Variants in TINAGL1 observed in about 807,000 individuals in gnomAD.
The protein encoded by TINAGL1 is tubulointerstitial nephritis antigen-like.
Under a neutral mutation model 62.0 loss-of-function variants are expected in TINAGL1, and 34 were observed. That is an observed-to-expected ratio of 0.55 (90% confidence interval 0.42 to 0.73). TINAGL1 has a LOEUF of 0.73. Among genes scored for constraint, TINAGL1 ranks in the 30% least tolerant of loss-of-function variants. The pLI, the probability that TINAGL1 is intolerant of heterozygous loss-of-function variation, is 0.00. For synonymous variants in TINAGL1, 221 were observed against 249.7 expected (o/e 0.88, Z 1.08); for missense variants, 516 against 653.2 (o/e 0.79, Z 2.29).
Position 31,577,368 on chromosome 1 carries a change from G to A in TINAGL1, c.220G>A (p.Asp74Asn), listed in dbSNP as rs1280274087. ...LPYLGAICYC[D>N]LFCNRTVSDC... ...CTACCTGGGCGCCATCTGTTACTGT[G>A]ACCTCTTCTGCAACCGCACGGTCTC... The change falls in exon 2 of 12, where the codon GAC becomes AAC. Residue 74 changes from aspartate (D) to asparagine (N), a missense_variant. By Grantham distance (23) the Asp-to-Asn change is conservative. Coordinates refer to ENST00000271064, the MANE Select transcript of TINAGL1 (RefSeq NM_022164.3). The surrounding 1 kb of genome is among the most constrained non-coding windows in gnomAD (Gnocchi z 5.4). 6.2e-7 allele frequency: 1 copy of A among 1,614,042 alleles called. No individual in the cohort carries two copies. Among genetic ancestry groups the A allele is most frequent in the South Asian group, 1.1e-5 (1 of 91,084 alleles).
At position 31,583,541 on chromosome 1, in the gene TINAGL1, C is replaced by T. The variant is rs202039678; in HGVS notation, c.548C>T (p.Pro183Leu). The change falls in exon 5 of 12, where the codon CCA becomes CTA. Residue 183 changes from proline (P) to leucine (L), a missense_variant. Physicochemically the swap from Pro to Leu is moderately conservative, Grantham distance 98 (BLOSUM62 -3). Transcript: ENST00000271064. The surrounding 1 kb of genome is among the most constrained non-coding windows in gnomAD (Gnocchi z 4.4). The part of the protein sequence containing the change: ...GIRYRLGTIR[P>L]SSSVMNMHEI... ...CGCTACCGCCTGGGCACCATCCGCCCATCTTCCTCGGTCATGAACATGCAT... is the reference window on the plus strand; with the variant it reads ...CGCTACCGCCTGGGCACCATCCGCCTATCTTCCTCGGTCATGAACATGCAT... The T allele has an allele frequency of 6.2e-7, 1 of 1,613,998 alleles. No individual in the cohort carries two copies. The highest frequency in any genetic ancestry group is 1.3e-5 in the African/African-American group (1 of 75,072).
At chr1:31,582,618 C>T (rs970655080) in intron 3 of TINAGL1, among the ~76,000 whole-genome samples, 84 of 152,162 alleles carry the variant, frequency 5.5e-4, no homozygotes, top group African/African-American at 2.0e-3. Flanking sequence ...ATGCATGGAG[C>T]ACCCACAGTG....
chr1:31,582,380 G>C (rs72885418), intron 3 of TINAGL1, among the ~76,000 whole-genome samples: 3,901 of 152,084 alleles, frequency 0.026, 168 homozygotes, highest in African/African-American at 0.087. Context: ...GAACCATCAG[G>C]GGCCAGCCTA....
At position 31,584,638 on chromosome 1, in the gene TINAGL1, G is replaced by A. The variant is rs1395345829; in HGVS notation, c.583-40G>A. The A allele has an allele frequency of 1.9e-5, 31 of 1,612,086 alleles. No homozygotes were observed. The highest frequency in any genetic ancestry group is 2.6e-5 in the Non-Finnish European group (31 of 1,179,932). ...AATGGGCACCTGAGGGGCAGGCCAG[G>A]GCAGAGCAGGAGGCAGACAGGGCAA... On this transcript the variant is annotated intron_variant, in intron 5 of 11. Coordinates refer to ENST00000271064, the MANE Select transcript of TINAGL1 (RefSeq NM_022164.3). This position sits in a 1 kb window ranked among gnomAD's most constrained non-coding sequence, Gnocchi z 4.0.
At chr1:31,580,727 A>C in intron 3 of TINAGL1, 1 of 1,262,744 alleles carries the variant, frequency 7.9e-7, no homozygotes, top group African/African-American at 1.5e-5. Flanking sequence ...TCTTGTAATA[A>C]CAGAGTTATG....
rs1384816983 is a variant in TINAGL1 at position 31,583,067 on chromosome 1, C to G, written c.375-82C>G. On this transcript the variant is annotated intron_variant, in intron 3 of 11. Coordinates refer to ENST00000271064, the MANE Select transcript of TINAGL1 (RefSeq NM_022164.3). The surrounding 1 kb of genome is among the most constrained non-coding windows in gnomAD (Gnocchi z 4.4). ...CAGTCACTTGCACAGACTCCCTGGCCCATGTTAACCTCCGAGGCCACATTC... is the reference window on the plus strand; with the variant it reads ...CAGTCACTTGCACAGACTCCCTGGCGCATGTTAACCTCCGAGGCCACATTC... 4 of 1,235,040 alleles carry G rather than the reference C, an allele frequency of 3.2e-6. No homozygotes were observed. Among genetic ancestry groups the G allele is most frequent in the Non-Finnish European group, 4.8e-6 (4 of 836,724 alleles). The allele number at this position is 1,235,040 out of a possible 1,614,324, so 76.5% of individuals were successfully genotyped here.
intron 3 of TINAGL1, chr1:31,580,496 A>T (rs1404203508): frequency 7.8e-7 from 1 of 1,289,138 alleles, no homozygotes; most frequent in Non-Finnish European, 1.0e-6. Context: ...GCTGCTGCCT[A>T]GGTGTGCAGA....
In TINAGL1 at chr1:31,578,877, G is replaced by GGTGTGTGTGTGTGTGTGT. The variant is rs57769142; in HGVS notation, c.311-323_311-306dup. The stretch of plus-strand genomic sequence containing the variant: ...TTATAGCTTAATCTCAGTGAGAGCT[G>GGTGTGTGTGTGTGTGTGT]GTGTGTGTGTGTGTGTGTGTGATAT... On this transcript the variant is annotated intron_variant, in intron 2 of 11. Transcript: ENST00000271064. Among the ~76,000 whole-genome samples the GGTGTGTGTGTGTGTGTGT allele has an allele frequency of 3.7e-4, 28 of 76,436 alleles. 5 individuals are homozygous for GGTGTGTGTGTGTGTGTGT. Among genetic ancestry groups the GGTGTGTGTGTGTGTGTGT allele is most frequent in the African/African-American group, 1.7e-3 (28 of 16,562 alleles). The allele number at this position is 76,436 out of a possible 152,430, so 50.1% of individuals were successfully genotyped here.
intron 3 of TINAGL1, among the ~76,000 whole-genome samples, chr1:31,582,048 G>T (rs1356393449): frequency 6.6e-6 from 1 of 152,226 alleles, no homozygotes; most frequent in Admixed American, 6.5e-5. Context: ...AATATAAACA[G>T]GCCGGGCCTG....
chr1:31,585,107 G>A lies in TINAGL1; in HGVS notation c.858-44G>A. The A allele has an allele frequency of 6.4e-7, 1 of 1,565,174 alleles. No individual in the cohort carries two copies. ...CCGTGGGCATGGCCTGGGCCATGAT[G>A]CACTGAGTCTTTCTGCCTTTGCTCC... On this transcript the variant is annotated intron_variant, in intron 7 of 11. Coordinates refer to ENST00000271064, the MANE Select transcript of TINAGL1 (RefSeq NM_022164.3). This position sits in a 1 kb window ranked among gnomAD's most constrained non-coding sequence, Gnocchi z 4.3.
Position 31,583,392 on chromosome 1 carries a change from A to G in TINAGL1, c.468-69A>G. The G allele has an allele frequency of 6.6e-7, 1 of 1,517,706 alleles. No individual in the cohort carries two copies. The highest frequency in any genetic ancestry group is 2.3e-5 in the East Asian group (1 of 42,754). 94.0% of individuals were successfully genotyped at this position (1,517,706 alleles called of 1,614,324 possible). ...CAGCCACTGTGCGTCTCTCCCACCC[A>G]CATGCACCCACGCCAAGGACCCTGA... On this transcript the variant is annotated intron_variant, in intron 4 of 11. Coordinates refer to ENST00000271064, the MANE Select transcript of TINAGL1 (RefSeq NM_022164.3). This position sits in a 1 kb window ranked among gnomAD's most constrained non-coding sequence, Gnocchi z 4.4.
chr1:31,579,204 G>A lies in TINAGL1; in HGVS notation c.311G>A (p.Gly104Glu). The A allele has an allele frequency of 6.2e-7, 1 of 1,613,962 alleles. No individual in the cohort carries two copies. Among genetic ancestry groups the A allele is most frequent in the African/African-American group, 1.3e-5 (1 of 75,038 alleles). ...GVPPPFPPIQ[G>E]CMHGGRIYPV... ...CTTCTCTTCTCTTCCCTTCCAACAGGATGTATGCATGGAGGTCGTATCTAT... is the reference window on the plus strand; with the variant it reads ...CTTCTCTTCTCTTCCCTTCCAACAGAATGTATGCATGGAGGTCGTATCTAT... The change falls in exon 3 of 12, where the codon GGA becomes GAA. Residue 104 changes from glycine (G) to glutamate (E), a missense_variant and splice_region_variant. Transcript: ENST00000271064.
rs79691231 is a variant in TINAGL1, at chr1:31,583,321, C to T, written c.467+80C>T. On this transcript the variant is annotated intron_variant, in intron 4 of 11. Coordinates refer to ENST00000271064, the MANE Select transcript of TINAGL1 (RefSeq NM_022164.3). This position sits in a 1 kb window ranked among gnomAD's most constrained non-coding sequence, Gnocchi z 4.4. The stretch of plus-strand genomic sequence containing the variant: ...TACACGCATGCTGTGCTGTGGGGCA[C>T]GTCCAGCAGGCCACTCCTACACCCA... The T allele has an allele frequency of 6.4e-5, 97 of 1,525,894 alleles. No homozygotes were observed. The East Asian group carries it at 1.2e-3, about 20-fold the overall frequency. The allele number at this position is 1,525,894 out of a possible 1,614,324, so 94.5% of individuals were successfully genotyped here. A position where few individuals can be genotyped will look rare whatever the true frequency, so the allele number is the denominator to read the frequency against.
In TINAGL1 at chr1:31,585,513, T is replaced by C; in HGVS notation, c.1093+28T>C. The C allele has an allele frequency of 2.5e-6, 4 of 1,613,410 alleles. No individual in the cohort carries two copies. The South Asian group carries it at 4.4e-5, about 18-fold the overall frequency. ...AAACCCCCTTATCCAGCACCCTGGTTCCAGAAGCTTGTGCCTGCTTGAGAG... is the reference window on the plus strand; with the variant it reads ...AAACCCCCTTATCCAGCACCCTGGTCCCAGAAGCTTGTGCCTGCTTGAGAG... On this transcript the variant is annotated intron_variant, in intron 9 of 11. Transcript: ENST00000271064. The surrounding 1 kb of genome is among the most constrained non-coding windows in gnomAD (Gnocchi z 4.3).
In TINAGL1 at chr1:31,584,447, C is replaced by T; in HGVS notation, c.583-231C>T. 1.7e-6 allele frequency: 1 copy of T among 576,938 alleles called. No individual in the cohort carries two copies. The allele number at this position is 576,938 out of a possible 1,614,324, so 35.7% of individuals were successfully genotyped here. On this transcript the variant is annotated intron_variant, in intron 5 of 11. Coordinates refer to ENST00000271064, the MANE Select transcript of TINAGL1 (RefSeq NM_022164.3). This position sits in a 1 kb window ranked among gnomAD's most constrained non-coding sequence, Gnocchi z 4.0. ...GCCTCATCTGGGAAGCAGGACTAGTCACCACCGCCACCCCGCCCCGCCCCA... is the reference window on the plus strand; with the variant it reads ...GCCTCATCTGGGAAGCAGGACTAGTTACCACCGCCACCCCGCCCCGCCCCA...
Position 31,576,951 on chromosome 1 carries a change from T to G in TINAGL1, c.-15-183T>G, listed in dbSNP as rs1638979485. On this transcript the variant is annotated intron_variant, in intron 1 of 11. Coordinates refer to ENST00000271064, the MANE Select transcript of TINAGL1 (RefSeq NM_022164.3). This position sits in a 1 kb window ranked among gnomAD's most constrained non-coding sequence, Gnocchi z 5.1. ...AGGGAGGGGCTCCGTTTCTGCCCAGTCCCCATCCCCCTATAGCCAGGGCCC... is the reference window on the plus strand; with the variant it reads ...AGGGAGGGGCTCCGTTTCTGCCCAGGCCCCATCCCCCTATAGCCAGGGCCC... 1 of 561,238 alleles carries G rather than the reference T, an allele frequency of 1.8e-6. No individual in the cohort carries two copies. The highest frequency in any genetic ancestry group is 1.9e-5 in the African/African-American group (1 of 52,990). 34.8% of individuals were successfully genotyped at this position (561,238 alleles called of 1,614,324 possible).
intron 3 of TINAGL1, among the ~76,000 whole-genome samples, chr1:31,582,587 G>T (rs977798034): frequency 6.6e-6 from 1 of 152,158 alleles, no homozygotes; most frequent in African/African-American, 2.4e-5. Context: ...AAAATACCCT[G>T]GGAAGCAGGG....
chr1:31,586,876 G>A lies in TINAGL1; in HGVS notation c.1301G>A (p.Arg434Lys), dbSNP rs139654784. ...ANSWGPAWGERGHFRIVRGVN... is the reference protein window; with the variant it reads ...ANSWGPAWGEKGHFRIVRGVN... ...TCCTGGGGCCCAGCCTGGGGCGAGA[G>A]GGGCCACTTCCGCATCGTGCGCGGC... is the stretch of plus-strand genomic sequence containing the variant. Residue 434 changes from arginine to lysine, a missense_variant, in exon 12 of 12, where the codon AGG becomes AAG. Arg to Lys is a conservative substitution (Grantham distance 26). Transcript: ENST00000271064. 2.8e-4 allele frequency: 435 copies of A among 1,556,044 alleles called. 1 individual carries two copies. In the Middle Eastern group the frequency reaches 5.3e-3, roughly 19 times the overall value.
At chr1:31,580,325 C>T (rs1639209470) in intron 3 of TINAGL1, 1 of 1,272,378 alleles carries the variant, frequency 7.9e-7, no homozygotes, top group Non-Finnish European at 1.0e-6. Flanking sequence ...ACCACCGGCC[C>T]TGCCTGGACC....
Sources: allele counts gnomAD v4.1 joint callset (sites outside exome capture counted in the v4.1 genomes callset), GRCh38; gene constraint gnomAD v4.1.1; non-coding constraint Gnocchi (gnomAD v3.1); transcripts MANE v1.5; gene names NCBI Gene and HGNC (gene_info 2026-07-23, HGNC 2026-07-21).